CDK12: variants seen among roughly 807,000 people sequenced by gnomAD.
CDK12 encodes cyclin-dependent kinase 12.
In CDK12, 17 loss-of-function variants were observed where a neutral mutation model predicts 133.8. The observed-to-expected ratio is 0.13, with a 90% CI of 0.09 to 0.19. The LOEUF (loss-of-function observed/expected upper bound fraction) is 0.19, where lower values mean the gene tolerates loss of function less well. Ranked by LOEUF, CDK12 falls within the 10% of genes least tolerant of loss-of-function variation. The pLI, the probability that CDK12 is intolerant of heterozygous loss-of-function variation, is 1.00. For missense variants in CDK12, 1,508 were observed against 1,818.7 expected (o/e 0.83, Z 3.11); for synonymous variants, 694 against 683.6 (o/e 1.02, Z -0.24).
chr17:39,485,863 A>G (rs1427694310), intron 2 of CDK12, among the ~76,000 whole-genome samples: 2 of 152,082 alleles, frequency 1.3e-5, no homozygotes, highest in Non-Finnish European at 2.9e-5. Context: ...ACACAGCAAG[A>G]TCCTGTCTCC....
intron 2 of CDK12, among the ~76,000 whole-genome samples, chr17:39,485,801 G>A (rs2051079046): frequency 6.6e-6 from 1 of 151,560 alleles, no homozygotes; most frequent in African/African-American, 2.4e-5. Flanking sequence ...GATCACTTGA[G>A]CCTCGAGGCT....
chr17:39,512,441 G>A (rs565916530), intron 8 of CDK12, among the ~76,000 whole-genome samples: 19 of 152,278 alleles, frequency 1.2e-4, no homozygotes, highest in Non-Finnish European at 2.2e-4. Context: ...TGCCCAGAGA[G>A]TACAAGCAGT....
At chr17:39,468,141 C>A (rs1007911565) in intron 1 of CDK12, among the ~76,000 whole-genome samples, 2 of 152,048 alleles carry the variant, frequency 1.3e-5, no homozygotes, top group African/African-American at 4.8e-5. Flanking sequence ...GTGATCCACC[C>A]GCCTCAGCCT....
intron 5 of CDK12, among the ~76,000 whole-genome samples, chr17:39,495,410 T>G (rs1267562269): frequency 6.7e-6 from 1 of 149,574 alleles, no homozygotes; most frequent in Non-Finnish European, 1.5e-5. Context: ...TTTTTTTTTT[T>G]TTTTTTATAA....
chr17:39,528,596 A>G (rs981571758), intron 13 of CDK12, among the ~76,000 whole-genome samples: 4 of 152,182 alleles, frequency 2.6e-5, no homozygotes, highest in African/African-American at 9.7e-5. Context: ...TGTTCTCCCA[A>G]AGTACTGGGA....
Position 39,462,191 on chromosome 17 carries a change from G to A in CDK12, c.120G>A (p.Ser40=), listed in dbSNP as rs376924002. The A allele has an allele frequency of 3.2e-5, 52 of 1,614,080 alleles. No homozygotes were observed. Among genetic ancestry groups the A allele is most frequent in the East Asian group, 2.2e-4 (10 of 44,898 alleles). Residue 40 remains serine, a synonymous_variant, in exon 1 of 14, where the codon TCG becomes TCA. Coordinates refer to ENST00000447079, the MANE Select transcript of CDK12 (RefSeq NM_016507.4). ...SNSRERHRLV[S]KHKRHKSKHS... is the part of the protein sequence containing the mutation. ...GCAGAGAGCGTCACCGCTTGGTATC[G>A]AAGCACAAGCGGCATAAGTCCAAAC...
chr17:39,461,973 G>T lies in CDK12; in HGVS notation c.-99G>T. The T allele has an allele frequency of 2.2e-6, 2 of 894,482 alleles. No homozygotes were observed. The highest frequency in any genetic ancestry group is 3.3e-6 in the Non-Finnish European group (2 of 611,700). The allele number at this position is 894,482 out of a possible 1,614,324, so 55.4% of individuals were successfully genotyped here. A position where few individuals can be genotyped will look rare whatever the true frequency, so the allele number is the denominator to read the frequency against. The stretch of plus-strand genomic sequence containing the variant: ...GCCCTCCCCACCCCCTTCCCGGGGC[G>T]CTTTGGTGGGCGTGGAGTTGGGGTT... On this transcript the variant is annotated 5_prime_UTR_variant, in exon 1 of 14. Transcript: ENST00000447079.
At chr17:39,513,964 T>C (rs2053642098) in intron 8 of CDK12, among the ~76,000 whole-genome samples, 2 of 152,228 alleles carry the variant, frequency 1.3e-5, no homozygotes, top group African/African-American at 4.8e-5. Flanking sequence ...TTTTCTTCTT[T>C]TCTTTTTTAA....
chr17:39,555,524 G>A (rs540731089), intron 2 of CDK12, among the ~76,000 whole-genome samples: 15 of 151,872 alleles, frequency 9.9e-5, no homozygotes, highest in African/African-American at 2.9e-4. Flanking sequence ...CAGCTCTCCC[G>A]GGCAGTATCA....
At chr17:39,488,348 C>T (rs968585377) in intron 2 of CDK12, among the ~76,000 whole-genome samples, 1 of 152,118 alleles carries the variant, frequency 6.6e-6, no homozygotes, top group South Asian at 2.1e-4. Flanking sequence ...GCTTCTGCCA[C>T]CAGGTGCCTT....
chr17:39,527,657 C>T (rs1267113953), intron 13 of CDK12, among the ~76,000 whole-genome samples: 1 of 152,076 alleles, frequency 6.6e-6, no homozygotes, highest in Non-Finnish European at 1.5e-5. Context: ...AAGCGATTCT[C>T]CTGCCTCAGC....
chr17:39,555,432 G>C (rs1046063516), intron 2 of CDK12, among the ~76,000 whole-genome samples: 5 of 151,806 alleles, frequency 3.3e-5, no homozygotes, highest in African/African-American at 1.2e-4. Flanking sequence ...TGCTCTTGGT[G>C]GTCCAGAGAT....
At chr17:39,545,496 C>CTT (rs34616390), upstream of CDK12, among the ~76,000 whole-genome samples, 4,956 of 103,576 alleles carry the variant, frequency 0.048, 195 homozygotes, top group Non-Finnish European at 0.072. Context: ...CCCCAAAAAG[C>CTT]TTTTTTTTTT....
At chr17:39,555,760 G>C (rs1250813278) in intron 2 of CDK12, among the ~76,000 whole-genome samples, 1 of 151,300 alleles carries the variant, frequency 6.6e-6, no homozygotes, top group Non-Finnish European at 1.5e-5. Context: ...TTGGGAGGCC[G>C]AGATGGGTGG....
chr17:39,540,705 A>G (rs1235821741), intron 1 of CDK12, among the ~76,000 whole-genome samples: 1 of 152,120 alleles, frequency 6.6e-6, no homozygotes, highest in African/African-American at 2.4e-5. Flanking sequence ...TCCCAGAGCC[A>G]TAAAGTGGGA....
intron 2 of CDK12, among the ~76,000 whole-genome samples, chr17:39,476,331 G>A (rs752309501): frequency 1.3e-5 from 2 of 151,838 alleles, no homozygotes; most frequent in Non-Finnish European, 2.9e-5. Context: ...GGATGGTCTC[G>A]ATGTCTTGAT....
chr17:39,506,848 A>G (rs1294528758), intron 6 of CDK12, among the ~76,000 whole-genome samples: 2 of 152,128 alleles, frequency 1.3e-5, no homozygotes, highest in Non-Finnish European at 2.9e-5. Context: ...GACATAAACA[A>G]TATGATGGCA....
chr17:39,473,757 T>C (rs2049978685), intron 2 of CDK12, among the ~76,000 whole-genome samples: 1 of 151,852 alleles, frequency 6.6e-6, no homozygotes, highest in Admixed American at 6.6e-5. Flanking sequence ...TGGTGGCGGT[T>C]GCCTATAGTC....
chr17:39,560,468 G>A (rs774791959), intron 3 of CDK12, among the ~76,000 whole-genome samples: 13 of 152,168 alleles, frequency 8.5e-5, no homozygotes, highest in Non-Finnish European at 1.8e-4. Context: ...TTATAGATGT[G>A]GAAAATTGAG....
Sources: allele counts gnomAD v4.1 joint callset (sites outside exome capture counted in the v4.1 genomes callset), GRCh38; gene constraint gnomAD v4.1.1; transcripts MANE v1.5; gene names NCBI Gene and HGNC (gene_info 2026-07-23, HGNC 2026-07-21).